RAD51B: variants seen among roughly 807,000 people sequenced by gnomAD.
RAD51B encodes the protein RAD51 paralog B, also known as DNA repair protein RAD51 homolog 2.
RAD51B carries 38 observed loss-of-function variants against 42.2 expected under a neutral mutation model. The observed-to-expected ratio is 0.90, with a 90% confidence interval of 0.70 to 1.18. The LOEUF (loss-of-function observed/expected upper bound fraction) is 1.18, where lower values mean the gene tolerates loss of function less well. Ranked by LOEUF, RAD51B falls within the 50% of genes most tolerant of loss-of-function variation. The pLI is 0.00. For missense variants in RAD51B, 373 were observed against 400.7 expected (o/e 0.93, Z 0.59); for synonymous variants, 154 against 145.2 (o/e 1.06, Z -0.43).
intron 7 of RAD51B, among the ~76,000 whole-genome samples, chr14:68,039,547 G>A (rs1285969550): frequency 6.6e-6 from 1 of 151,958 alleles, no homozygotes; most frequent in Non-Finnish European, 1.5e-5. Context: ...CTAATTCATT[G>A]GAGAAGTGGT....
intron 7 of RAD51B, among the ~76,000 whole-genome samples, chr14:67,979,347 T>A (rs2075050290): frequency 6.6e-6 from 1 of 152,238 alleles, no homozygotes; most frequent in South Asian, 2.1e-4. Flanking sequence ...GCTTTCAGAT[T>A]CTTTGTGTAT....
At chr14:68,168,633 C>T (rs928623678) in intron 7 of RAD51B, among the ~76,000 whole-genome samples, 3 of 152,106 alleles carry the variant, frequency 2.0e-5, no homozygotes, top group African/African-American at 7.2e-5. Context: ...GCCTTTCACT[C>T]AGCCAGCCTT....
At chr14:68,324,956 C>T (rs1390981315) in intron 8 of RAD51B, among the ~76,000 whole-genome samples, 1 of 152,232 alleles carries the variant, frequency 6.6e-6, no homozygotes, top group Non-Finnish European at 1.5e-5. Flanking sequence ...GTATATGTCT[C>T]TGAGTCTCCC....
intron 7 of RAD51B, among the ~76,000 whole-genome samples, chr14:68,042,297 T>C (rs939220335): frequency 6.6e-6 from 1 of 152,218 alleles, no homozygotes; most frequent in Non-Finnish European, 1.5e-5. Context: ...TGCTCACTGG[T>C]GGCCAGATAC....
In RAD51B at chr14:68,580,260, C is replaced by A. The variant is rs116284527; in HGVS notation, c.1037-14225C>A. Among the ~76,000 whole-genome samples, 1,390 of 152,322 alleles carry A rather than the reference C, an allele frequency of 9.1e-3. 27 individuals are homozygous for A. The highest frequency in any genetic ancestry group is 0.031 in the African/African-American group (1,298 of 41,568). ...CTTGTCAGGGAGGCCTGCCACTCTG[C>A]CCCACCTCTTCGCCTCCTGCTTGCC... On this transcript the variant is annotated intron_variant, in intron 10 of 10. Coordinates refer to the RAD51B transcript ENST00000487270.
At chr14:68,388,289 T>C (rs2083653017) in intron 8 of RAD51B, among the ~76,000 whole-genome samples, 1 of 151,962 alleles carries the variant, frequency 6.6e-6, no homozygotes, top group Admixed American at 6.6e-5. Context: ...AGACGGGGTT[T>C]CTTTTGCTGT....
chr14:68,141,452 G>T (rs138325990), intron 7 of RAD51B, among the ~76,000 whole-genome samples: 1 of 152,170 alleles, frequency 6.6e-6, no homozygotes, highest in African/African-American at 2.4e-5. Context: ...AAAGCAAAAT[G>T]ATAAATTCCC....
chr14:67,997,266 C>T (rs2075400893), intron 7 of RAD51B, among the ~76,000 whole-genome samples: 1 of 152,114 alleles, frequency 6.6e-6, no homozygotes, highest in Non-Finnish European at 1.5e-5. Context: ...AAGAACTTAG[C>T]CCAGGGCATT....
intron 9 of RAD51B, among the ~76,000 whole-genome samples, chr14:68,429,053 C>T (rs546819448): frequency 1.5e-3 from 224 of 152,056 alleles, no homozygotes; most frequent in Admixed American, 1.8e-3. Flanking sequence ...TGGTTTCCAG[C>T]TTCATCCATG....
intron 10 of RAD51B, among the ~76,000 whole-genome samples, chr14:68,554,771 C>G (rs1250822951): frequency 1.3e-5 from 2 of 152,070 alleles, no homozygotes; most frequent in Admixed American, 1.3e-4. Context: ...TTCCCCATGC[C>G]TAGAAGATGT....
At chr14:67,904,537 A>T (rs572042846) in intron 7 of RAD51B, among the ~76,000 whole-genome samples, 61 of 122,730 alleles carry the variant, frequency 5.0e-4, no homozygotes, top group African/African-American at 1.9e-3. Flanking sequence ...TTTGAGATGG[A>T]GTCTTGCTCT....
intron 10 of RAD51B, among the ~76,000 whole-genome samples, chr14:68,554,717 C>T (rs1028985932): frequency 6.6e-6 from 1 of 152,160 alleles, no homozygotes; most frequent in African/African-American, 2.4e-5. Context: ...ACCATAATGT[C>T]AGTGTGACAG....
intron 8 of RAD51B, among the ~76,000 whole-genome samples, chr14:68,341,279 A>G (rs2082566467): frequency 6.6e-6 from 1 of 152,218 alleles, no homozygotes; most frequent in South Asian, 2.1e-4. Flanking sequence ...TTGATCTGAT[A>G]CTGTATCAGA....
intron 3 of RAD51B, among the ~76,000 whole-genome samples, chr14:67,828,988 A>G (rs1290407035): frequency 1.3e-5 from 2 of 152,114 alleles, no homozygotes; most frequent in African/African-American, 4.8e-5. Context: ...GTTTCATATG[A>G]ATTTTAAAAT....
chr14:68,212,076 G>A (rs144803793), intron 7 of RAD51B, among the ~76,000 whole-genome samples: 3 of 152,278 alleles, frequency 2.0e-5, no homozygotes, highest in East Asian at 3.9e-4. Context: ...TGTGAACTTC[G>A]TCAGGGGAAG....
intron 7 of RAD51B, among the ~76,000 whole-genome samples, chr14:68,087,090 G>T (rs1035256962): frequency 1.3e-5 from 2 of 150,816 alleles, no homozygotes; most frequent in Non-Finnish European, 2.9e-5. Flanking sequence ...AGCCAAGATT[G>T]CACCATTGCA....
chr14:68,195,095 A>C (rs2079342832), intron 7 of RAD51B, among the ~76,000 whole-genome samples: 2 of 152,196 alleles, frequency 1.3e-5, no homozygotes, highest in Non-Finnish European at 1.5e-5. Context: ...AAACCTTGTG[A>C]GGGGAAACCA....
At chr14:67,908,181 G>A (rs1456000993) in intron 7 of RAD51B, 3 of 152,176 alleles carry the variant, frequency 2.0e-5, no homozygotes, top group Non-Finnish European at 4.4e-5. Context: ...GATACAGATT[G>A]CTTGGCCCCA....
intron 7 of RAD51B, among the ~76,000 whole-genome samples, chr14:67,894,295 C>T (rs1018236201): frequency 6.6e-6 from 1 of 152,206 alleles, no homozygotes; most frequent in African/African-American, 2.4e-5. Context: ...GCAAGTGCCT[C>T]AGAAGGAAGA....
Sources: gnomAD v4.1 joint callset for allele counts (sites outside exome capture counted in the v4.1 genomes callset) on GRCh38, gnomAD v4.1.1 for gene constraint, MANE v1.5 for transcripts, NCBI Gene and HGNC (gene_info 2026-07-23, HGNC 2026-07-21) for gene names.